MAST2: variants seen among roughly 807,000 people sequenced by gnomAD.
MAST2 encodes microtubule-associated serine/threonine-protein kinase 2.
MAST2 carries 70 observed loss-of-function variants against 147.4 expected under a neutral mutation model. The ratio of observed to expected loss-of-function variants is 0.47; its 90% CI spans 0.39 to 0.58. The LOEUF is 0.58. MAST2 is among the 20% of genes least tolerant of loss of function. The pLI, the probability that MAST2 is intolerant of heterozygous loss-of-function variation, is 0.00. For synonymous variants in MAST2, 869 were observed against 896.8 expected (o/e 0.97, Z 0.55); for missense variants, 2,080 against 2,302.3 (o/e 0.90, Z 1.98).
chr1:45,931,258 ACAG>A (rs924187884), intron 4 of MAST2, among the ~76,000 whole-genome samples: 66 of 151,334 alleles, frequency 4.4e-4, no homozygotes, highest in Admixed American at 5.3e-4. Context: ...TTTGAAGATT[ACAG>A]ACCAGTTTAT....
At position 45,935,911 on chromosome 1, in the gene MAST2, T is replaced by C. The variant is rs948720613; in HGVS notation, c.501-23475T>C. Among the ~76,000 whole-genome samples, 74 of 152,240 alleles carry C rather than the reference T, an allele frequency of 4.9e-4. 1 individual carries two copies. Among genetic ancestry groups the C allele is most frequent in the Non-Finnish European group, 3.4e-4 (23 of 68,040 alleles). On this transcript the variant is annotated intron_variant, in intron 4 of 28. Coordinates refer to ENST00000361297, the MANE Select transcript of MAST2 (RefSeq NM_015112.3). The stretch of plus-strand genomic sequence containing the variant: ...TGGTCCCATATGATTTTTAGAATAG[T>C]TTTCTCTAACTCTGTGAAAAACGTC...
At chr1:45,820,144 G>C (rs983575770) in intron 1 of MAST2, among the ~76,000 whole-genome samples, 5 of 152,138 alleles carry the variant, frequency 3.3e-5, no homozygotes, top group African/African-American at 1.2e-4. Context: ...TCTATATGCA[G>C]ATATCTACAT....
intron 5 of MAST2, among the ~76,000 whole-genome samples, chr1:45,970,359 T>A (rs1171342014): frequency 2.6e-5 from 4 of 151,916 alleles, no homozygotes; most frequent in Admixed American, 1.3e-4. Flanking sequence ...GCTATGGAGG[T>A]TTCTGCTTAA....
intron 4 of MAST2, among the ~76,000 whole-genome samples, chr1:45,927,887 AT>A (rs1654653401): frequency 6.6e-6 from 1 of 152,222 alleles, no homozygotes; most frequent in Admixed American, 6.5e-5. Flanking sequence ...AAAAGTATTA[AT>A]TTGGGGAACT....
At chr1:45,939,979 G>GTTTTTTTTTTTTTT (rs148351945) in intron 4 of MAST2, among the ~76,000 whole-genome samples, 1 of 28,650 alleles carries the variant, frequency 3.5e-5, no homozygotes, top group Non-Finnish European at 5.7e-5. Context: ...ATTTATTTAG[G>GTTTTTTTTTTTTTT]GTTTTTTTTT....
chr1:45,969,134 T>G (rs1570985270), intron 5 of MAST2, among the ~76,000 whole-genome samples: 2 of 152,352 alleles, frequency 1.3e-5, no homozygotes, highest in East Asian at 3.9e-4. Flanking sequence ...TAATCATCGT[T>G]TTGAAAAATT....
intron 7 of MAST2, among the ~76,000 whole-genome samples, chr1:46,003,270 T>C (rs1645348457): frequency 6.6e-6 from 1 of 152,178 alleles, no homozygotes; most frequent in East Asian, 1.9e-4. Context: ...AAGCACTTGG[T>C]AGACTCTCCC....
intron 4 of MAST2, among the ~76,000 whole-genome samples, chr1:45,953,228 T>TA (rs35599360): frequency 0.54 from 80,773 of 149,498 alleles, 21,678 homozygotes; most frequent in Middle Eastern, 0.62. Flanking sequence ...GAGCAGAGGT[T>TA]AAAAAAAAAA....
chr1:45,946,563 A>T (rs751934806), intron 4 of MAST2, among the ~76,000 whole-genome samples: 3 of 152,114 alleles, frequency 2.0e-5, no homozygotes, highest in Non-Finnish European at 4.4e-5. Flanking sequence ...TTTTCCCTGT[A>T]AGTTGTAACT....
chr1:45,950,975 T>C (rs778679894), intron 4 of MAST2, among the ~76,000 whole-genome samples: 4 of 152,222 alleles, frequency 2.6e-5, no homozygotes, highest in Non-Finnish European at 5.9e-5. Flanking sequence ...CCCAGCACTT[T>C]AGGAGGCTGA....
At chr1:45,984,360 G>C (rs1213131475) in intron 5 of MAST2, among the ~76,000 whole-genome samples, 1 of 150,738 alleles carries the variant, frequency 6.6e-6, no homozygotes, top group Non-Finnish European at 1.5e-5. Flanking sequence ...CTACAGTGCA[G>C]TGACACAATC....
intron 26 of MAST2, 131 bp downstream of exon 26, chr1:46,032,849 G>A: frequency 7.9e-7 from 1 of 1,265,514 alleles, no homozygotes; most frequent in Non-Finnish European, 1.1e-6. Flanking sequence ...GTACACACAG[G>A]CCGGGCGCGG....
At chr1:45,878,771 T>C (rs978464309) in intron 3 of MAST2, among the ~76,000 whole-genome samples, 1 of 152,098 alleles carries the variant, frequency 6.6e-6, no homozygotes, top group South Asian at 2.1e-4. Context: ...AGGGATGAGC[T>C]TAATAAAAGG....
intron 4 of MAST2, among the ~76,000 whole-genome samples, chr1:45,942,995 A>G (rs10789486): frequency 0.34 from 51,581 of 152,046 alleles, 9,136 homozygotes; most frequent in African/African-American, 0.43. Flanking sequence ...ATGGAAGCCA[A>G]TCAATCCCCA....
At chr1:45,983,359 T>TA (rs1250181371) in intron 5 of MAST2, among the ~76,000 whole-genome samples, 1 of 152,200 alleles carries the variant, frequency 6.6e-6, no homozygotes, top group Non-Finnish European at 1.5e-5. Flanking sequence ...TGTTGTAAAC[T>TA]AAGCACATTC....
At chr1:46,013,613 G>A (rs1159062235) in intron 10 of MAST2, among the ~76,000 whole-genome samples, 6 of 151,914 alleles carry the variant, frequency 3.9e-5, no homozygotes, top group Non-Finnish European at 7.4e-5. Flanking sequence ...TCAGTAGGTG[G>A]AGGTTGCGGT....
chr1:45,975,248 C>G lies in MAST2; in HGVS notation c.592+15771C>G, dbSNP rs1644089273. Among the ~76,000 whole-genome samples the G allele has an allele frequency of 2.0e-5, 3 of 151,958 alleles. No homozygotes were observed. The South Asian group carries it at 6.2e-4, about 32-fold the overall frequency. On this transcript the variant is annotated intron_variant, in intron 5 of 28. Coordinates refer to ENST00000361297, the MANE Select transcript of MAST2 (RefSeq NM_015112.3). ...GAGTACAAAAGTAAAGATTTGTAAC[C>G]CAAGCTAGTCATTAAGCAAGGTGTT...
At chr1:45,864,198 C>A (rs930216549) in intron 3 of MAST2, among the ~76,000 whole-genome samples, 3 of 152,162 alleles carry the variant, frequency 2.0e-5, no homozygotes, top group Non-Finnish European at 2.9e-5. Flanking sequence ...ATCATTAAAG[C>A]TTGGATAAAA....
At chr1:45,813,163 A>G (rs993350138) in intron 1 of MAST2, among the ~76,000 whole-genome samples, 1 of 151,696 alleles carries the variant, frequency 6.6e-6, no homozygotes, top group Non-Finnish European at 1.5e-5. Flanking sequence ...TAACTGTTAC[A>G]CTCTATTACT....
Sources: gnomAD v4.1 joint callset for allele counts (sites outside exome capture counted in the v4.1 genomes callset) on GRCh38, gnomAD v4.1.1 for gene constraint, MANE v1.5 for transcripts, NCBI Gene and HGNC (gene_info 2026-07-23, HGNC 2026-07-21) for gene names.